Variants in MAGI2 observed in about 807,000 individuals in gnomAD.
The protein encoded by MAGI2 is membrane associated guanylate kinase, WW and PDZ domain containing 2.
MAGI2 carries 35 observed loss-of-function variants against 133.3 expected under a neutral mutation model. The ratio of observed to expected loss-of-function variants is 0.26; its 90% CI spans 0.20 to 0.35. MAGI2 has a LOEUF of 0.35. Ranked by LOEUF, MAGI2 falls within the 10% of genes least tolerant of loss-of-function variation. MAGI2 has a pLI of 1.00. For synonymous variants in MAGI2, 729 were observed against 710.6 expected, an observed-to-expected ratio of 1.03 and a Z score of -0.41; for missense variants, 1,636 against 1,863.4, an observed-to-expected ratio of 0.88 and a Z score of 2.25.
chr7:78,759,505 A>G (rs1824274285), intron 2 of MAGI2, among the ~76,000 whole-genome samples: 1 of 152,140 alleles, frequency 6.6e-6, no homozygotes, highest in South Asian at 2.1e-4. Context: ...AGAATTTTTA[A>G]AAGTTAATTA....
intron 1 of MAGI2, among the ~76,000 whole-genome samples, chr7:79,259,455 GC>G (rs1426561052): frequency 6.6e-6 from 1 of 152,124 alleles, no homozygotes; most frequent in Non-Finnish European, 1.5e-5. Flanking sequence ...CATTGAGGAG[GC>G]ATACCTATTA....
chr7:79,033,227 A>G (rs931677249), intron 1 of MAGI2, among the ~76,000 whole-genome samples: 2 of 152,202 alleles, frequency 1.3e-5, no homozygotes, highest in African/African-American at 4.8e-5. Context: ...AAGGTGATGG[A>G]CCATAGGCAA....
intron 1 of MAGI2, among the ~76,000 whole-genome samples, chr7:79,300,718 C>G (rs563911230): frequency 6.6e-6 from 1 of 152,114 alleles, no homozygotes; most frequent in African/African-American, 2.4e-5. Flanking sequence ...TCAAAAGGAG[C>G]CAAGTGTTGA....
Position 78,186,728 on chromosome 7 carries a change from G to A in MAGI2, c.2270-1058C>T, listed in dbSNP as rs73703717. On this transcript the variant is annotated intron_variant, in intron 12 of 21. Coordinates refer to ENST00000354212, the MANE Select transcript of MAGI2 (RefSeq NM_012301.4). ...AAGAAACTCTTCAAGATCCTTTTTC[G>A]AAAACATACTTATTATATCTAAGTT... Among the ~76,000 whole-genome samples, 235 of 152,056 alleles carry A rather than the reference G, an allele frequency of 1.5e-3. 1 individual carries two copies. The highest frequency in any genetic ancestry group is 5.3e-3 in the African/African-American group (219 of 41,492).
At chr7:79,094,157 G>A (rs112094809) in intron 1 of MAGI2, among the ~76,000 whole-genome samples, 1,973 of 152,304 alleles carry the variant, frequency 0.013, 47 homozygotes, top group African/African-American at 0.044. Flanking sequence ...AAACCCTGCT[G>A]CTGCTTTATC....
At chr7:79,207,193 C>G (rs992274615) in intron 1 of MAGI2, among the ~76,000 whole-genome samples, 2 of 151,830 alleles carry the variant, frequency 1.3e-5, no homozygotes, top group Non-Finnish European at 2.9e-5. Flanking sequence ...CACTTTTATC[C>G]AATACAGTAC....
intron 21 of MAGI2, among the ~76,000 whole-genome samples, chr7:78,029,712 G>C (rs201600599): frequency 2.0e-5 from 2 of 100,768 alleles, no homozygotes; most frequent in African/African-American, 9.6e-5. Flanking sequence ...ACCACTGCAT[G>C]AAGAAGTGGT....
intron 2 of MAGI2, among the ~76,000 whole-genome samples, chr7:78,857,082 T>G (rs1166252909): frequency 6.6e-6 from 1 of 152,208 alleles, no homozygotes; most frequent in Non-Finnish European, 1.5e-5. Context: ...GGAATGCTTG[T>G]GATTTTTGCA....
intron 2 of MAGI2, among the ~76,000 whole-genome samples, chr7:78,881,671 G>A (rs545628372): frequency 1.3e-5 from 2 of 151,784 alleles, no homozygotes; most frequent in Non-Finnish European, 2.9e-5. Flanking sequence ...ACAATTATGT[G>A]GAAATTAAAC....
chr7:79,062,858 A>G (rs1178565039), intron 1 of MAGI2, among the ~76,000 whole-genome samples: 2 of 152,198 alleles, frequency 1.3e-5, no homozygotes, highest in African/African-American at 2.4e-5. Context: ...GCTAATTCCT[A>G]TCTTAGTAAT....
At chr7:78,538,227 T>C (rs6961428) in intron 3 of MAGI2, among the ~76,000 whole-genome samples, 18,349 of 152,186 alleles carry the variant, frequency 0.12, 2,635 homozygotes, top group East Asian at 0.41. Context: ...TTGGTGACTA[T>C]AGCCTTGTAG....
At chr7:79,115,139 T>G (rs1292889738) in intron 1 of MAGI2, among the ~76,000 whole-genome samples, 2 of 152,144 alleles carry the variant, frequency 1.3e-5, no homozygotes, top group African/African-American at 2.4e-5. Context: ...CATCTGCTCC[T>G]GAAATGTTCA....
intron 2 of MAGI2, among the ~76,000 whole-genome samples, chr7:78,946,079 A>G (rs1389832106): frequency 6.6e-6 from 1 of 152,224 alleles, no homozygotes; most frequent in Non-Finnish European, 1.5e-5. Flanking sequence ...AAAAAATGGT[A>G]TAATCATATC....
At chr7:78,845,473 G>A (rs1467693536) in intron 2 of MAGI2, among the ~76,000 whole-genome samples, 1 of 151,868 alleles carries the variant, frequency 6.6e-6, no homozygotes, top group South Asian at 2.1e-4. Flanking sequence ...GGCCTTGGAT[G>A]ATACGAAGTT....
At chr7:78,059,455 T>A (rs1288054419) in intron 21 of MAGI2, among the ~76,000 whole-genome samples, 1 of 152,198 alleles carries the variant, frequency 6.6e-6, no homozygotes, top group African/African-American at 2.4e-5. Context: ...GACTTTACCT[T>A]TTGGTAGGAA....
In MAGI2 at chr7:78,215,154, A is replaced by G. The variant is rs552080319; in HGVS notation, c.2048-13961T>C. On this transcript the variant is annotated intron_variant, in intron 10 of 21. Transcript: ENST00000354212. Reference sequence around the variant, plus strand: ...ACGAAGCATAAAGCGAAGAATGGGGAAAGTGATTCAGGGAAGGGAAACGTT... The same window carrying G: ...ACGAAGCATAAAGCGAAGAATGGGGGAAGTGATTCAGGGAAGGGAAACGTT... 2.6e-5 allele frequency among the ~76,000 whole-genome samples: 4 copies of G among 152,300 alleles called. No individual in the cohort carries two copies. The East Asian group carries it at 7.7e-4, about 29-fold the overall frequency.
chr7:79,354,594 G>GGGGAA (rs1057136348), intron 1 of MAGI2, among the ~76,000 whole-genome samples: 1 of 152,086 alleles, frequency 6.6e-6, no homozygotes, highest in Non-Finnish European at 1.5e-5. Flanking sequence ...GGAATCTTGT[G>GGGGAA]GGGAAGGGAA....
At chr7:78,648,998 C>T (rs1811205987) in intron 2 of MAGI2, among the ~76,000 whole-genome samples, 1 of 151,864 alleles carries the variant, frequency 6.6e-6, no homozygotes, top group African/African-American at 2.4e-5. Flanking sequence ...TACCCTTAGC[C>T]ATTTCAACAT....
chr7:78,334,722 C>A (rs7811103), intron 9 of MAGI2, among the ~76,000 whole-genome samples: 3 of 152,112 alleles, frequency 2.0e-5, no homozygotes, highest in African/African-American at 7.2e-5. Flanking sequence ...GGCATATCCA[C>A]GGGGCATATG....
Sources: gnomAD v4.1 joint callset for allele counts (sites outside exome capture counted in the v4.1 genomes callset) on GRCh38, gnomAD v4.1.1 for gene constraint, MANE v1.5 for transcripts, NCBI Gene and HGNC (gene_info 2026-07-23, HGNC 2026-07-21) for gene names.